CNNM4: variants seen among roughly 807,000 people sequenced by gnomAD.
CNNM4 encodes the protein cyclin and CBS domain divalent metal cation transport mediator 4.
Under a neutral mutation model 53.7 loss-of-function variants are expected in CNNM4, and 32 were observed. That is an observed-to-expected ratio of 0.60 (90% confidence interval 0.45 to 0.80). The LOEUF (loss-of-function observed/expected upper bound fraction) is 0.80. Ranked by LOEUF, CNNM4 falls within the 30% of genes least tolerant of loss-of-function variation. CNNM4 has a pLI of 0.00. For missense variants in CNNM4, 784 were observed against 1,022.0 expected, an observed-to-expected ratio of 0.77 and a Z score of 3.17; for synonymous variants, 410 against 440.0, an observed-to-expected ratio of 0.93 and a Z score of 0.85.
intron 1 of CNNM4, among the ~76,000 whole-genome samples, chr2:96,775,133 A>C (rs972480963): frequency 6.6e-6 from 1 of 152,046 alleles, no homozygotes; most frequent in Non-Finnish European, 1.5e-5. Flanking sequence ...ATAAGGGTAC[A>C]GCCTGATAGC....
At position 96,761,471 on chromosome 2, in the gene CNNM4, G is replaced by A; in HGVS notation, c.472G>A (p.Gly158Arg). 2 of 1,614,092 alleles carry A rather than the reference G, an allele frequency of 1.2e-6. No homozygotes were observed. The highest frequency in any genetic ancestry group is 1.7e-6 in the Non-Finnish European group (2 of 1,180,006). Residue 158 changes from glycine (G) to arginine (R), a missense_variant, in exon 1 of 7, where the codon GGG becomes AGG. Around this residue, in one of 3 missense-constraint regions of CNNM4, gnomAD observed 473 missense variants for 624.6 expected, o/e 0.76. Transcript: ENST00000377075. This position sits in a 1 kb window ranked among gnomAD's most constrained non-coding sequence, Gnocchi z 6.0. ...ACTGTGCACCCGGGCCCAGCCCGAC[G>A]GGCCCTGGCTGAAGTGGACGGACAA... ...YALCTRAQPD[G>R]PWLKWTDKDS...
At chr2:96,792,143 G>T (rs879897075) in intron 1 of CNNM4, among the ~76,000 whole-genome samples, 2 of 150,470 alleles carry the variant, frequency 1.3e-5, no homozygotes, top group Non-Finnish European at 3.0e-5. Flanking sequence ...TAATCAGGCA[G>T]ACTGAGGTGG....
At chr2:96,795,513 A>G (rs2079096065) in intron 1 of CNNM4, among the ~76,000 whole-genome samples, 2 of 151,694 alleles carry the variant, frequency 1.3e-5, no homozygotes, top group African/African-American at 2.4e-5. Context: ...CATGGGGTGT[A>G]TTGTGAGAAT....
intron 1 of CNNM4, among the ~76,000 whole-genome samples, chr2:96,765,315 G>A (rs555696035): frequency 2.6e-5 from 4 of 151,676 alleles, no homozygotes; most frequent in African/African-American, 7.3e-5. Flanking sequence ...TAGTAGAGAC[G>A]GGGTTTCGCC....
At chr2:96,765,042 T>G (rs2078802985) in intron 1 of CNNM4, among the ~76,000 whole-genome samples, 2 of 116,700 alleles carry the variant, frequency 1.7e-5, no homozygotes, top group African/African-American at 3.5e-5. Flanking sequence ...TTTTTTTTTT[T>G]TTTTTTTTTT....
intron 5 of CNNM4, 92 bp downstream of exon 5, chr2:96,799,740 G>A (rs1385842751): frequency 9.2e-7 from 1 of 1,091,262 alleles, no homozygotes; most frequent in African/African-American, 1.6e-5. Context: ...GGGCCCGAGA[G>A]CTCATAGCCA....
chr2:96,772,659 ATGCG>A (rs2078887938), intron 1 of CNNM4, among the ~76,000 whole-genome samples: 1 of 91,244 alleles, frequency 1.1e-5, no homozygotes. Flanking sequence ...TCACACACAC[ATGCG>A]TGCACACACA....
Position 96,761,879 on chromosome 2 carries a change from C to T in CNNM4, c.880C>T (p.His294Tyr). The T allele has an allele frequency of 6.2e-7, 1 of 1,614,192 alleles. No homozygotes were observed. Among genetic ancestry groups the T allele is most frequent in the Non-Finnish European group, 8.5e-7 (1 of 1,180,040 alleles). The part of the protein sequence containing the change: ...EILPQALCSR[H>Y]GLAVGANTIL... ...CCTACCTCAGGCCCTGTGCTCCCGA[C>T]ATGGGCTGGCTGTGGGTGCCAACAC... The change falls in exon 1 of 7, where the codon CAT becomes TAT. Residue 294 changes from histidine (H) to tyrosine (Y), a missense_variant. His to Tyr is a moderately conservative substitution (Grantham distance 83, BLOSUM62 2). This residue lies in a region of CNNM4 where 473 missense variants were observed against 624.6 expected (regional missense o/e 0.76). Transcript: ENST00000377075. The surrounding 1 kb of genome is among the most constrained non-coding windows in gnomAD (Gnocchi z 6.0).
In CNNM4 at chr2:96,800,200, G is replaced by A. The variant is rs551199247; in HGVS notation, c.1948+552G>A. On this transcript the variant is annotated intron_variant, in intron 5 of 6. Transcript: ENST00000377075. This position sits in a 1 kb window ranked among gnomAD's most constrained non-coding sequence, Gnocchi z 4.6. ...CTCCGAGAGGTGTTATGGAAGGTCC[G>A]GGGATGCGCCACTCTGGCCGCCCCA... is the stretch of plus-strand genomic sequence containing the variant. Among the ~76,000 whole-genome samples the A allele has an allele frequency of 1.1e-4, 16 of 152,068 alleles. No homozygotes were observed. Among genetic ancestry groups the A allele is most frequent in the East Asian group, 3.9e-4 (2 of 5,156 alleles).
chr2:96,762,582 C>T (rs1266956967), intron 1 of CNNM4, among the ~76,000 whole-genome samples, 181 bp downstream of exon 1: 4 of 152,118 alleles, frequency 2.6e-5, no homozygotes, highest in Admixed American at 2.0e-4. Flanking sequence ...AAGTGTCTGC[C>T]GTCTGCCAGG....
chr2:96,774,514 C>T (rs1204256542), intron 1 of CNNM4, among the ~76,000 whole-genome samples: 1 of 152,126 alleles, frequency 6.6e-6, no homozygotes, highest in Non-Finnish European at 1.5e-5. Context: ...ATTATTTAAT[C>T]CTCCAAGTGC....
At chr2:96,772,803 A>G (rs1300384554) in intron 1 of CNNM4, among the ~76,000 whole-genome samples, 38 of 144,508 alleles carry the variant, frequency 2.6e-4, no homozygotes, top group African/African-American at 9.0e-4. Context: ...ACACACACAC[A>G]CACTCATACC....
In CNNM4 at chr2:96,797,441, C is replaced by T. The variant is rs547788654; in HGVS notation, c.1547-72C>T. 8 of 1,590,862 alleles carry T rather than the reference C, an allele frequency of 5.0e-6. No homozygotes were observed. The Admixed American group carries it at 8.3e-5, about 17-fold the overall frequency. ...ACTAGGGGCTGGAGAGCAGGAGCTG[C>T]GGGGCGGGTTCCAGTCTCTTCCTAA... On this transcript the variant is annotated intron_variant, in intron 2 of 6. Transcript: ENST00000377075. This position sits in a 1 kb window ranked among gnomAD's most constrained non-coding sequence, Gnocchi z 6.0.
chr2:96,782,447 C>T (rs1441801067), intron 1 of CNNM4, among the ~76,000 whole-genome samples: 1 of 151,518 alleles, frequency 6.6e-6, no homozygotes. Flanking sequence ...CATTTATGCT[C>T]ATGAGACAGA....
rs886056473 is a variant in CNNM4, at chr2:96,761,134, G to A, written c.135G>A (p.Thr45=). Residue 45 remains threonine (T), a synonymous_variant, in exon 1 of 7, where the codon ACG becomes ACA. Coordinates refer to ENST00000377075, the MANE Select transcript of CNNM4 (RefSeq NM_020184.4). The surrounding 1 kb of genome is among the most constrained non-coding windows in gnomAD (Gnocchi z 6.0). ...ARGQGSPQQG[T]IVGMRLASCN... is the part of the protein sequence containing the mutation. ...GCCAGGGCAGCCCCCAGCAGGGCACGATCGTGGGCATGAGGCTGGCGAGCT... is the reference window on the plus strand; with the variant it reads ...GCCAGGGCAGCCCCCAGCAGGGCACAATCGTGGGCATGAGGCTGGCGAGCT... 2 of 1,598,826 alleles carry A rather than the reference G, an allele frequency of 1.3e-6. No homozygotes were observed. Among genetic ancestry groups the A allele is most frequent in the Middle Eastern group, 1.7e-4 (1 of 6,002 alleles).
In CNNM4 at chr2:96,761,468, G is replaced by A; in HGVS notation, c.469G>A (p.Asp157Asn). The A allele has an allele frequency of 1.9e-6, 3 of 1,614,122 alleles. No homozygotes were observed. Among genetic ancestry groups the A allele is most frequent in the African/African-American group, 1.3e-5 (1 of 75,064 alleles). Residue 157 changes from aspartate (D) to asparagine (N), a missense_variant, in exon 1 of 7, where the codon GAC (aspartate) becomes AAC (asparagine). Physicochemically the swap from Asp to Asn is conservative, Grantham distance 23. Coordinates refer to ENST00000377075, the MANE Select transcript of CNNM4 (RefSeq NM_020184.4). This position sits in a 1 kb window ranked among gnomAD's most constrained non-coding sequence, Gnocchi z 6.0. ...TGCACTGTGCACCCGGGCCCAGCCC[G>A]ACGGGCCCTGGCTGAAGTGGACGGA... ...LYALCTRAQP[D>N]GPWLKWTDKD... is the part of the protein sequence containing the mutation.
chr2:96,761,683 T>C lies in CNNM4; in HGVS notation c.684T>C (p.Tyr228=). The change falls in exon 1 of 7, where the codon TAT becomes TAC. Residue 228 remains tyrosine, a synonymous_variant. Transcript: ENST00000377075. This position sits in a 1 kb window ranked among gnomAD's most constrained non-coding sequence, Gnocchi z 6.0. ...QNCGTEKERR[Y]ARKIEPIRRK... Reference sequence around the variant, plus strand: ...GTGGCACCGAGAAGGAGAGGCGCTATGCCCGCAAGATTGAGCCCATCCGGC... The same window carrying C: ...GTGGCACCGAGAAGGAGAGGCGCTACGCCCGCAAGATTGAGCCCATCCGGC... 7 of 1,610,542 alleles carry C rather than the reference T, an allele frequency of 4.3e-6. No individual in the cohort carries two copies. The highest frequency in any genetic ancestry group is 1.3e-5 in the African/African-American group (1 of 75,020).
chr2:96,806,119 G>A (rs1181585261), intron 5 of CNNM4, among the ~76,000 whole-genome samples: 2 of 148,382 alleles, frequency 1.3e-5, no homozygotes, highest in East Asian at 2.0e-4. Context: ...GCGGCTGGCC[G>A]GGCGGGGGGC....
chr2:96,766,275 A>C lies in CNNM4; in HGVS notation c.1402+3874A>C, dbSNP rs537265547. On this transcript the variant is annotated intron_variant, in intron 1 of 6. Transcript: ENST00000377075. ...TTTTTAGTAGAGATGGGGTTTCACC[A>C]TGTTAGCTAGGCTAGTCTTGAACTC... 7.3e-5 allele frequency among the ~76,000 whole-genome samples: 11 copies of C among 151,650 alleles called. No homozygotes were observed. In the East Asian group the frequency reaches 2.1e-3, roughly 29 times the overall value.
Sources: gnomAD v4.1 joint callset for allele counts (sites outside exome capture counted in the v4.1 genomes callset) on GRCh38, gnomAD v4.1.1 for gene constraint, gnomAD v4.1.1 regional missense constraint, Gnocchi (gnomAD v3.1) non-coding constraint, MANE v1.5 for transcripts, NCBI Gene and HGNC (gene_info 2026-07-23, HGNC 2026-07-21) for gene names.